The following NLGN1 variants were observed in gnomAD, a reference collection of about 807,000 sequenced individuals.
NLGN1 encodes neuroligin 1, also known as neuroligin-1.
In NLGN1, 12 loss-of-function variants were observed where a neutral mutation model predicts 65.5. The ratio of observed to expected loss-of-function variants is 0.18; its 90% confidence interval spans 0.12 to 0.30. The LOEUF is 0.30. NLGN1 is among the 10% of genes least tolerant of loss of function. The pLI, the probability that NLGN1 is intolerant of heterozygous loss-of-function variation, is 1.00. For synonymous variants in NLGN1, 350 were observed against 359.5 expected, an observed-to-expected ratio of 0.97 and a Z score of 0.30; for missense variants, 750 against 1,007.1, an observed-to-expected ratio of 0.74 and a Z score of 3.46.
rs370039707 is a variant in NLGN1, at chr3:173,588,135, T to C, written c.-320-16144T>C. 6.6e-4 allele frequency among the ~76,000 whole-genome samples: 101 copies of C among 152,334 alleles called. 2 individuals carry two copies. The South Asian group carries it at 0.011, about 17-fold the overall frequency. ...ATTTAAAATTCAAGTTTTTGACATATTGAATTTGCCAAGCATTGAAAAATA... is the reference window on the plus strand; with the variant it reads ...ATTTAAAATTCAAGTTTTTGACATACTGAATTTGCCAAGCATTGAAAAATA... On this transcript the variant is annotated intron_variant, in intron 2 of 6. Coordinates refer to ENST00000457714, the Ensembl canonical transcript of NLGN1.
intron 2 of NLGN1, among the ~76,000 whole-genome samples, chr3:173,533,667 A>ATCTTAAGAAGCT (rs1736973022): frequency 6.6e-6 from 1 of 152,150 alleles, no homozygotes; most frequent in Non-Finnish European, 1.5e-5. Flanking sequence ...ACAATTACGT[A>ATCTTAAGAAGCT]TAGAAGCAAG....
Position 173,886,684 on chromosome 3 carries a change from G to A in NLGN1, c.646+78852G>A, listed in dbSNP as rs369560433. ...TAAAATAGGGATGAGTGTAAAAATCGAAATAAATGAAGAAATATGTCAGTC... is the reference window on the plus strand; with the variant it reads ...TAAAATAGGGATGAGTGTAAAAATCAAAATAAATGAAGAAATATGTCAGTC... On this transcript the variant is annotated intron_variant, in intron 4 of 6. Coordinates refer to ENST00000457714, the Ensembl canonical transcript of NLGN1. 3.2e-4 allele frequency among the ~76,000 whole-genome samples: 48 copies of A among 152,056 alleles called. No individual in the cohort carries two copies. In the East Asian group the frequency reaches 6.8e-3, roughly 21 times the overall value.
chr3:174,289,710 A>G (rs1285201473), downstream of NLGN1, among the ~76,000 whole-genome samples: 1 of 150,950 alleles, frequency 6.6e-6, no homozygotes, highest in African/African-American at 2.4e-5. Flanking sequence ...AAAGTAATAC[A>G]TACATAAGAT....
intron 4 of NLGN1, among the ~76,000 whole-genome samples, chr3:174,140,153 T>C (rs753765442): frequency 1.3e-5 from 2 of 152,142 alleles, no homozygotes; most frequent in Non-Finnish European, 2.9e-5. Flanking sequence ...ACATTTGTAA[T>C]ATTAGACAAG....
At chr3:173,771,139 T>G (rs1294816944) in intron 3 of NLGN1, among the ~76,000 whole-genome samples, 3 of 152,214 alleles carry the variant, frequency 2.0e-5, no homozygotes, top group Non-Finnish European at 4.4e-5. Flanking sequence ...CTTCCCATAG[T>G]ATTTTGCTTC....
At chr3:174,068,678 A>G (rs1289117654) in intron 4 of NLGN1, among the ~76,000 whole-genome samples, 2 of 152,172 alleles carry the variant, frequency 1.3e-5, no homozygotes, top group Non-Finnish European at 2.9e-5. Flanking sequence ...GATTTAGAGA[A>G]TGTTGATGAC....
Position 173,459,436 on chromosome 3 carries a change from A to G in NLGN1, c.-321+24358A>G, listed in dbSNP as rs116583006. Among the ~76,000 whole-genome samples the G allele has an allele frequency of 4.0e-3, 602 of 152,222 alleles. 6 individuals carry two copies. Among genetic ancestry groups the G allele is most frequent in the African/African-American group, 0.014 (561 of 41,540 alleles). ...AAGAATGACTGATAACTTTCTTTTA[A>G]CTAATGCATAAACTCAGTGACATTT... is the stretch of plus-strand genomic sequence containing the variant. On this transcript the variant is annotated intron_variant, in intron 2 of 6. Transcript: ENST00000457714.
Position 173,722,530 on chromosome 3 carries a change from G to A in NLGN1, c.494-85150G>A, listed in dbSNP as rs1049300809. On this transcript the variant is annotated intron_variant, in intron 3 of 6. Transcript: ENST00000457714. ...ACTGGGATTACAGGTGTGAGCCACC[G>A]CAGCTGGCCAACTTTTTTTTCTTTA... Among the ~76,000 whole-genome samples, 13 of 151,930 alleles carry A rather than the reference G, an allele frequency of 8.6e-5. No individual in the cohort carries two copies. The East Asian group carries it at 9.7e-4, about 11-fold the overall frequency.
chr3:174,112,925 C>A (rs1245366900), intron 4 of NLGN1, among the ~76,000 whole-genome samples: 1 of 151,788 alleles, frequency 6.6e-6, no homozygotes. Context: ...CAAGCTGATA[C>A]AAACCAAAAA....
chr3:173,550,916 G>A (rs573987397), intron 2 of NLGN1, among the ~76,000 whole-genome samples: 1 of 152,084 alleles, frequency 6.6e-6, no homozygotes, highest in African/African-American at 2.4e-5. Context: ...ATATTCTTCC[G>A]ATTTTTCTCC....
intron 3 of NLGN1, among the ~76,000 whole-genome samples, chr3:173,802,049 A>G (rs886601294): frequency 1.3e-5 from 2 of 152,136 alleles, no homozygotes; most frequent in African/African-American, 4.8e-5. Context: ...CTTCATGTGT[A>G]TCTTTGTAAA....
chr3:173,599,236 G>A (rs543075316), intron 2 of NLGN1, among the ~76,000 whole-genome samples: 2 of 152,162 alleles, frequency 1.3e-5, no homozygotes, highest in East Asian at 3.9e-4. Flanking sequence ...GTTACTTTAA[G>A]TATTCATTTG....
At chr3:174,083,269 C>T (rs1224702828) in intron 4 of NLGN1, among the ~76,000 whole-genome samples, 1 of 152,042 alleles carries the variant, frequency 6.6e-6, no homozygotes, top group African/African-American at 2.4e-5. Context: ...CAAGTTAGCT[C>T]AACTCTGTGT....
intron 4 of NLGN1, among the ~76,000 whole-genome samples, chr3:173,898,593 T>C (rs1736756829): frequency 6.6e-6 from 1 of 152,218 alleles, no homozygotes; most frequent in Non-Finnish European, 1.5e-5. Context: ...AACAATGTAG[T>C]AGCTTCTAGC....
At chr3:173,427,088 A>G (rs980543576) in intron 1 of NLGN1, among the ~76,000 whole-genome samples, 2 of 151,892 alleles carry the variant, frequency 1.3e-5, no homozygotes, top group Non-Finnish European at 2.9e-5. Flanking sequence ...CATGTCTTCT[A>G]AATTTTCTAA....
intron 4 of NLGN1, among the ~76,000 whole-genome samples, chr3:173,903,144 G>A (rs2152188798): frequency 6.6e-6 from 1 of 152,204 alleles, no homozygotes; most frequent in South Asian, 2.1e-4. Context: ...TGTTCTGTTA[G>A]GAATTCATAC....
chr3:173,663,316 T>C (rs988070802), intron 3 of NLGN1, among the ~76,000 whole-genome samples: 1 of 151,986 alleles, frequency 6.6e-6, no homozygotes, highest in Non-Finnish European at 1.5e-5. Context: ...ATGTTAACAA[T>C]GATAGCTGAT....
Position 173,715,009 on chromosome 3 carries a change from T to C in NLGN1, c.494-92671T>C, listed in dbSNP as rs573935610. Among the ~76,000 whole-genome samples the C allele has an allele frequency of 5.9e-5, 9 of 152,184 alleles. No homozygotes were observed. The South Asian group carries it at 1.7e-3, about 28-fold the overall frequency. On this transcript the variant is annotated intron_variant, in intron 3 of 6. Coordinates refer to ENST00000457714, the Ensembl canonical transcript of NLGN1. ...AAAGAGCAGATGGAAGGAGGCAAAG[T>C]TTCCAGGAAGGCAACCGCTTTGGAG...
At chr3:174,222,210 T>G (rs980948589) in intron 4 of NLGN1, among the ~76,000 whole-genome samples, 3 of 152,188 alleles carry the variant, frequency 2.0e-5, no homozygotes, top group Admixed American at 1.3e-4. Flanking sequence ...TACACAATCA[T>G]GCGGTCTGTG....
Sources: allele counts gnomAD v4.1 joint callset (sites outside exome capture counted in the v4.1 genomes callset), GRCh38; gene constraint gnomAD v4.1.1; transcripts MANE v1.5; gene names NCBI Gene and HGNC (gene_info 2026-07-23, HGNC 2026-07-21).